Variants in BTBD8 observed in about 807,000 individuals in gnomAD.
BTBD8 encodes BTB/POZ domain-containing protein 8.
A neutral mutation model predicts 162.9 loss-of-function variants in BTBD8; 110 were observed. The ratio of observed to expected loss-of-function variants is 0.68; its 90% CI spans 0.58 to 0.79. The LOEUF (loss-of-function observed/expected upper bound fraction) is 0.79, where lower values mean the gene tolerates loss of function less well. Ranked by LOEUF, BTBD8 falls within the 30% of genes least tolerant of loss-of-function variation. BTBD8 has a pLI of 0.00. For synonymous variants in BTBD8, 667 were observed against 716.1 expected (o/e 0.93, Z 1.10); for missense variants, 1,905 against 2,085.4 (o/e 0.91, Z 1.68).
rs370096160 is a variant in BTBD8, at chr1:92,180,685, C to T, written c.3002C>T (p.Ala1001Val). The T allele has an allele frequency of 3.2e-6, 5 of 1,551,394 alleles. No individual in the cohort carries two copies. The African/African-American group carries it at 6.8e-5, about 21-fold the overall frequency. Reference protein sequence around the residue: ...LINLASEISDAEALQSSCRPD... With the variant: ...LINLASEISDVEALQSSCRPD... The stretch of plus-strand genomic sequence containing the variant: ...AATCTTGCATCTGAAATAAGTGATG[C>T]AGAAGCACTCCAGTCATCCTGCAGG... Residue 1001 changes from alanine (A) to valine (V), a missense_variant, in exon 17 of 18, where the codon GCA becomes GTA. Physicochemically the swap from Ala to Val is moderately conservative, Grantham distance 64 (BLOSUM62 0). Coordinates refer to ENST00000636805, the MANE Select transcript of BTBD8 (RefSeq NM_001376131.1).
At chr1:92,156,644 A>G (rs555411788) in intron 9 of BTBD8, among the ~76,000 whole-genome samples, 37 of 152,140 alleles carry the variant, frequency 2.4e-4, no homozygotes, top group African/African-American at 6.7e-4. Flanking sequence ...CAGATTTTCT[A>G]TTTCTTCATG....
At chr1:92,137,273 G>A (rs965785617) in intron 5 of BTBD8, among the ~76,000 whole-genome samples, 22 of 152,104 alleles carry the variant, frequency 1.4e-4, no homozygotes, top group African/African-American at 3.6e-4. Context: ...ATACTATATC[G>A]TATATTCATT....
chr1:92,158,106 A>T lies in BTBD8; in HGVS notation c.1123-8852A>T, dbSNP rs577518139. On this transcript the variant is annotated intron_variant, in intron 9 of 17. Transcript: ENST00000636805. ...ATGAAATATCTTTTTTTATTCCTTCACTTCCAGCCTAAATGTGTTGTTAAA... is the reference window on the plus strand; with the variant it reads ...ATGAAATATCTTTTTTTATTCCTTCTCTTCCAGCCTAAATGTGTTGTTAAA... Among the ~76,000 whole-genome samples, 8 of 152,016 alleles carry T rather than the reference A, an allele frequency of 5.3e-5. No homozygotes were observed. In the East Asian group the frequency reaches 1.5e-3, roughly 29 times the overall value.
In BTBD8 at chr1:92,184,189, A is replaced by G. The variant is rs927193859; in HGVS notation, c.5238A>G (p.Thr1746=). ...ATAGCTCAAAACCTCAGGGTATAACACATATTGACACTTTGAACAGATGGA... is the reference window on the plus strand; with the variant it reads ...ATAGCTCAAAACCTCAGGGTATAACGCATATTGACACTTTGAACAGATGGA... ...ARDSSKPQGI[T]HIDTLNRWSE... is the part of the protein sequence containing the mutation. The change falls in exon 18 of 18, where the codon ACA becomes ACG. Residue 1746 remains threonine (T), a synonymous_variant. Transcript: ENST00000636805. 1 of 1,551,496 alleles carries G rather than the reference A, an allele frequency of 6.4e-7. No homozygotes were observed. Among genetic ancestry groups the G allele is most frequent in the Non-Finnish European group, 8.7e-7 (1 of 1,146,880 alleles).
intron 3 of BTBD8, among the ~76,000 whole-genome samples, chr1:92,104,927 C>A (rs1165712075): frequency 1.5e-5 from 2 of 130,070 alleles, no homozygotes; most frequent in Admixed American, 1.7e-4. Flanking sequence ...TTAAAGTCTA[C>A]CTTATTATTA....
intron 9 of BTBD8, among the ~76,000 whole-genome samples, chr1:92,152,884 G>A (rs1442949075): frequency 6.6e-6 from 1 of 152,050 alleles, no homozygotes; most frequent in Non-Finnish European, 1.5e-5. Context: ...TGGCATCATG[G>A]GGATTAGTCT....
intron 5 of BTBD8, among the ~76,000 whole-genome samples, chr1:92,136,115 G>A (rs1649625582): frequency 6.6e-6 from 1 of 152,074 alleles, no homozygotes; most frequent in Admixed American, 6.6e-5. Flanking sequence ...ACTTAGCCAT[G>A]GTAGGGATCA....
At chr1:92,164,136 G>A (rs755096053) in intron 9 of BTBD8, among the ~76,000 whole-genome samples, 1 of 152,184 alleles carries the variant, frequency 6.6e-6, no homozygotes, top group Non-Finnish European at 1.5e-5. Context: ...ACGAATTATA[G>A]CAAAGTATGA....
rs1317386342 is a variant in BTBD8, at chr1:92,180,710, G to T, written c.3027G>T (p.Arg1009Ser). 6.4e-7 allele frequency: 1 copy of T among 1,551,504 alleles called. No homozygotes were observed. The highest frequency in any genetic ancestry group is 8.7e-7 in the Non-Finnish European group (1 of 1,146,994). The change falls in exon 17 of 18, where the codon AGG becomes AGT. Residue 1009 changes from arginine (R) to serine (S), a missense_variant. Physicochemically the swap from Arg to Ser is moderately radical, Grantham distance 110. Around this residue, in one of 3 missense-constraint regions of BTBD8, gnomAD observed 1,374 missense variants for 1,442.7 expected, o/e 0.95. Transcript: ENST00000636805. ...CAGAAGCACTCCAGTCATCCTGCAG[G>T]CCTGACCCACAAAAGCCATTAAACG... ...SDAEALQSSC[R>S]PDPQKPLNDQ...
intron 4 of BTBD8, among the ~76,000 whole-genome samples, chr1:92,120,164 T>C (rs1003673685): frequency 3.9e-5 from 6 of 152,162 alleles, no homozygotes; most frequent in African/African-American, 1.4e-4. Flanking sequence ...AGTGCTAGGA[T>C]TACAGGTGTG....
Position 92,181,249 on chromosome 1 carries a change from A to G in BTBD8, c.3566A>G (p.Lys1189Arg), listed in dbSNP as rs930347893. The change falls in exon 17 of 18, where the codon AAA becomes AGA. Residue 1189 changes from lysine (K) to arginine (R), a missense_variant. Physicochemically the swap from Lys to Arg is conservative, Grantham distance 26. Around this residue, in one of 3 missense-constraint regions of BTBD8, gnomAD observed 1,374 missense variants for 1,442.7 expected, o/e 0.95. Coordinates refer to ENST00000636805, the MANE Select transcript of BTBD8 (RefSeq NM_001376131.1). ...LSDESAMDEDKHATADSDVSS... is the reference protein window; with the variant it reads ...LSDESAMDEDRHATADSDVSS... ...GATGAATCTGCTATGGATGAAGACA[A>G]ACATGCTACAGCAGACTCAGATGTA... 2.6e-6 allele frequency: 4 copies of G among 1,551,646 alleles called. No homozygotes were observed. The highest frequency in any genetic ancestry group is 1.4e-5 in the African/African-American group (1 of 73,066).
chr1:92,178,413 G>A lies in BTBD8; in HGVS notation c.2543G>A (p.Arg848Lys). 3 of 1,551,252 alleles carry A rather than the reference G, an allele frequency of 1.9e-6. No homozygotes were observed. Among genetic ancestry groups the A allele is most frequent in the Non-Finnish European group, 2.6e-6 (3 of 1,146,744 alleles). The change falls in exon 16 of 18, where the codon AGG (arginine) becomes AAG (lysine). Residue 848 changes from arginine (R) to lysine (K), a missense_variant. Physicochemically the swap from Arg to Lys is conservative, Grantham distance 26. This residue lies in a region of BTBD8 where 1,374 missense variants were observed against 1,442.7 expected (regional missense o/e 0.95). Coordinates refer to ENST00000636805, the MANE Select transcript of BTBD8 (RefSeq NM_001376131.1). ...AATGGATGTACTGCAGCTCAGCAGA[G>A]GACAAAGAGTACCCCATCTAATCTT... ...TSNGCTAAQQ[R>K]TKSTPSNLTK...
At chr1:92,149,660 A>T (rs1650000356) in intron 9 of BTBD8, among the ~76,000 whole-genome samples, 1 of 152,190 alleles carries the variant, frequency 6.6e-6, no homozygotes, top group Non-Finnish European at 1.5e-5. Flanking sequence ...TTTGGCTTTT[A>T]CACTAGGAAG....
At position 92,146,048 on chromosome 1, in the gene BTBD8, G is replaced by A. The variant is rs112657263; in HGVS notation, c.931-1132G>A. 5.4e-3 allele frequency among the ~76,000 whole-genome samples: 822 copies of A among 152,044 alleles called. 3 individuals are homozygous for A. Among genetic ancestry groups the A allele is most frequent in the African/African-American group, 0.019 (786 of 41,472 alleles). ...TCTTCTTATCTGAGATCAATATAGGGCCTCTCATTGCACAATTACTTTAAT... is the reference window on the plus strand; with the variant it reads ...TCTTCTTATCTGAGATCAATATAGGACCTCTCATTGCACAATTACTTTAAT... On this transcript the variant is annotated intron_variant, in intron 7 of 17. Coordinates refer to ENST00000636805, the MANE Select transcript of BTBD8 (RefSeq NM_001376131.1).
intron 16 of BTBD8, among the ~76,000 whole-genome samples, chr1:92,179,478 AAAAC>A (rs1650824162): frequency 6.6e-6 from 1 of 152,220 alleles, no homozygotes; most frequent in Admixed American, 6.5e-5. Context: ...TAAAATGCTA[AAAAC>A]AGTTTTGATT....
At chr1:92,129,079 A>C (rs978099009) in intron 4 of BTBD8, among the ~76,000 whole-genome samples, 1 of 152,050 alleles carries the variant, frequency 6.6e-6, no homozygotes, top group African/African-American at 2.4e-5. Flanking sequence ...GGGTTTGCTG[A>C]TCAGTACTTT....
intron 9 of BTBD8, among the ~76,000 whole-genome samples, chr1:92,149,208 T>G (rs1293002135): frequency 6.6e-6 from 1 of 152,214 alleles, no homozygotes; most frequent in African/African-American, 2.4e-5. Context: ...AATCAAATAT[T>G]TTTGTTTTCC....
chr1:92,084,309 C>T (rs1334889732), intron 1 of BTBD8, among the ~76,000 whole-genome samples: 1 of 152,100 alleles, frequency 6.6e-6, no homozygotes, highest in Non-Finnish European at 1.5e-5. Context: ...AGGGCAAACA[C>T]ACCTGATAGC....
chr1:92,098,054 G>A (rs1053822810), intron 2 of BTBD8, among the ~76,000 whole-genome samples: 3 of 152,132 alleles, frequency 2.0e-5, no homozygotes, highest in African/African-American at 2.4e-5. Context: ...AATTGGTCAC[G>A]TAGGCACTCC....
Sources: allele counts gnomAD v4.1 joint callset (sites outside exome capture counted in the v4.1 genomes callset), GRCh38; gene constraint gnomAD v4.1.1; regional missense constraint gnomAD v4.1.1; transcripts MANE v1.5; gene names NCBI Gene and HGNC (gene_info 2026-07-23, HGNC 2026-07-21).